EARS2: variants seen among roughly 807,000 people sequenced by gnomAD.
EARS2 encodes the protein nondiscriminating glutamyl-tRNA synthetase EARS2, mitochondrial.
In EARS2, 50 loss-of-function variants were observed where a neutral mutation model predicts 54.1. The observed-to-expected ratio is 0.92, with a 90% confidence interval of 0.74 to 1.17. The LOEUF is 1.17. Ranked by LOEUF, EARS2 falls within the 50% of genes most tolerant of loss-of-function variation. The pLI is 0.00. For synonymous variants in EARS2, 298 were observed against 281.0 expected, an observed-to-expected ratio of 1.06 and a Z score of -0.61; for missense variants, 673 against 675.0, an observed-to-expected ratio of 1.00 and a Z score of 0.03.
chr16:23,557,121 C>A, intron 1 of EARS2, 84 bp downstream of exon 1: 3 of 1,475,524 alleles, frequency 2.0e-6, no homozygotes, highest in Non-Finnish European at 2.7e-6. Flanking sequence ...CTGACACCAC[C>A]GGAAAGGATT....
intron 3 of EARS2, among the ~76,000 whole-genome samples, chr16:23,540,985 C>T (rs1318303581): frequency 7.9e-5 from 12 of 151,234 alleles, no homozygotes; most frequent in Admixed American, 4.0e-4. Context: ...AGCAAGACTC[C>T]GTCTCCAAAA....
At chr16:23,532,190 G>C (rs1279920352) in intron 5 of EARS2, among the ~76,000 whole-genome samples, 1 of 152,160 alleles carries the variant, frequency 6.6e-6, no homozygotes, top group Non-Finnish European at 1.5e-5. Context: ...CAAGTGAAGA[G>C]CTACTTGCAA....
chr16:23,557,166 G>A (rs1359314302), intron 1 of EARS2, 39 bp downstream of exon 1: 3 of 1,504,320 alleles, frequency 2.0e-6, no homozygotes, highest in East Asian at 2.3e-5. Flanking sequence ...AGACGGGACA[G>A]GGGGCCTCGG....
At chr16:23,541,697 T>TTC (rs1391631602) in intron 3 of EARS2, among the ~76,000 whole-genome samples, 4 of 38,026 alleles carry the variant, frequency 1.1e-4, no homozygotes, top group Non-Finnish European at 2.1e-4. Context: ...TTTGTGGATC[T>TTC]TCTTTTTTTT....
At chr16:23,543,997 A>G (rs1965559361) in intron 3 of EARS2, among the ~76,000 whole-genome samples, 1 of 152,346 alleles carries the variant, frequency 6.6e-6, no homozygotes, top group South Asian at 2.1e-4. Flanking sequence ...ATATATGCAG[A>G]TATTTCAATA....
intron 3 of EARS2, among the ~76,000 whole-genome samples, chr16:23,540,589 A>G (rs1369218751): frequency 6.6e-6 from 1 of 152,276 alleles, no homozygotes; most frequent in Non-Finnish European, 1.5e-5. Context: ...AAAATGACAT[A>G]TGTCAACATT....
intron 3 of EARS2, among the ~76,000 whole-genome samples, chr16:23,541,477 G>A (rs1478282152): frequency 2.6e-5 from 4 of 152,122 alleles, no homozygotes; most frequent in East Asian, 1.9e-4. Context: ...GATGGTAAGC[G>A]GACATGGTAA....
chr16:23,556,607 C>T, intron 1 of EARS2: 1 of 299,958 alleles, frequency 3.3e-6, no homozygotes, highest in Admixed American at 4.8e-5. Flanking sequence ...GATGCACCCA[C>T]CTCTGCCTCC....
intron 1 of EARS2, among the ~76,000 whole-genome samples, chr16:23,553,483 G>A (rs1597028707): frequency 6.6e-6 from 1 of 152,082 alleles, no homozygotes; most frequent in South Asian, 2.1e-4. Flanking sequence ...TGGGCCAGGT[G>A]CAGTAGCTCA....
chr16:23,551,391 G>A (rs1162855985), intron 2 of EARS2, among the ~76,000 whole-genome samples: 1 of 152,180 alleles, frequency 6.6e-6, no homozygotes, highest in Non-Finnish European at 1.5e-5. Context: ...TGTAGCAGGA[G>A]GATTGCTTGA....
At chr16:23,543,855 A>T (rs1965557141) in intron 3 of EARS2, among the ~76,000 whole-genome samples, 1 of 152,196 alleles carries the variant, frequency 6.6e-6, no homozygotes, top group South Asian at 2.1e-4. Context: ...AATAGTCAAA[A>T]CTTTGTTTCG....
intron 1 of EARS2, among the ~76,000 whole-genome samples, chr16:23,554,391 C>T (rs1432872220): frequency 6.6e-6 from 1 of 152,200 alleles, no homozygotes; most frequent in Non-Finnish European, 1.5e-5. Context: ...TATTTCTCTT[C>T]ATCAGTTTAA....
chr16:23,530,588 T>C (rs1965310687), intron 5 of EARS2, among the ~76,000 whole-genome samples: 1 of 151,972 alleles, frequency 6.6e-6, no homozygotes, highest in African/African-American at 2.4e-5. Context: ...GGAGAAGCTT[T>C]TGGCCAGGTG....
At position 23,557,193 on chromosome 16, in the gene EARS2, C is replaced by T. The variant is rs758609024; in HGVS notation, c.139+12G>A. 11 of 1,507,422 alleles carry T rather than the reference C, an allele frequency of 7.3e-6. No homozygotes were observed. Among genetic ancestry groups the T allele is most frequent in the Non-Finnish European group, 9.7e-6 (11 of 1,137,378 alleles). The allele number at this position is 1,507,422 out of a possible 1,614,324, so 93.4% of individuals were successfully genotyped here. On this transcript the variant is annotated intron_variant, in intron 1 of 8. Transcript: ENST00000449606. ...GGGCCTCGGCCTGTAGCGTCACGTC[C>T]GCCAGGGTTACCTGTGGGGCTGGGA...
chr16:23,556,161 A>G (rs765445321), intron 1 of EARS2, among the ~76,000 whole-genome samples: 1 of 152,142 alleles, frequency 6.6e-6, no homozygotes, highest in Non-Finnish European at 1.5e-5. Context: ...TTGTATGTTC[A>G]TCCTGGGATT....
chr16:23,530,391 A>G (rs746861789), intron 5 of EARS2, among the ~76,000 whole-genome samples: 80 of 152,242 alleles, frequency 5.3e-4, no homozygotes, highest in Non-Finnish European at 8.8e-4. Flanking sequence ...CCAGGATTAC[A>G]GGTGTGGGCC....
intron 7 of EARS2, among the ~76,000 whole-genome samples, chr16:23,526,773 T>C (rs959769474): frequency 2.0e-5 from 3 of 152,042 alleles, no homozygotes; most frequent in Non-Finnish European, 4.4e-5. Flanking sequence ...AACCCCCACA[T>C]CCTGGCAGTC....
chr16:23,542,386 T>C (rs1965530404), intron 3 of EARS2, among the ~76,000 whole-genome samples: 1 of 146,902 alleles, frequency 6.8e-6, no homozygotes, highest in African/African-American at 2.5e-5. Context: ...GGTGCAGTCT[T>C]GGCTCACTGC....
rs979677245 is a variant in EARS2, at chr16:23,526,690, G to A, written c.1353-1311C>T. Among the ~76,000 whole-genome samples the A allele has an allele frequency of 5.3e-5, 8 of 152,176 alleles. No homozygotes were observed. In the East Asian group the frequency reaches 1.5e-3, roughly 29 times the overall value. ...GAAGACCCCACCCAGCTCCAGCAATGGCTCTGCCACCAACTTGCTATGGCC... is the reference window on the plus strand; with the variant it reads ...GAAGACCCCACCCAGCTCCAGCAATAGCTCTGCCACCAACTTGCTATGGCC... On this transcript the variant is annotated intron_variant, in intron 7 of 8. Transcript: ENST00000449606.
Sources: gnomAD v4.1 joint callset for allele counts (sites outside exome capture counted in the v4.1 genomes callset) on GRCh38, gnomAD v4.1.1 for gene constraint, MANE v1.5 for transcripts, NCBI Gene and HGNC (gene_info 2026-07-23, HGNC 2026-07-21) for gene names.